The following FRMPD1 variants were observed in gnomAD, a reference collection of about 807,000 sequenced individuals.
FRMPD1 encodes the protein FERM and PDZ domain-containing protein 1.
In FRMPD1, 76 loss-of-function variants were observed where a neutral mutation model predicts 117.8. That is an observed-to-expected ratio of 0.65 (90% CI 0.54 to 0.78). The LOEUF (loss-of-function observed/expected upper bound fraction) is 0.78, where lower values mean the gene tolerates loss of function less well. FRMPD1 is among the 30% of genes least tolerant of loss of function. The probability of loss-of-function intolerance (pLI) is 0.00; values close to 1 mark genes in which losing one functional copy is unlikely to be tolerated. For synonymous variants in FRMPD1, 783 were observed against 770.4 expected, an observed-to-expected ratio of 1.02 and a Z score of -0.27; for missense variants, 1,786 against 1,964.5, an observed-to-expected ratio of 0.91 and a Z score of 1.72.
intron 15 of FRMPD1, among the ~76,000 whole-genome samples, chr9:37,743,556 T>A (rs1824527802): frequency 2.0e-5 from 2 of 101,666 alleles, no homozygotes; most frequent in Non-Finnish European, 4.1e-5. Context: ...TTTTTTTTTT[T>A]TTTAATGTCT....
the FRMPD1 span, among the ~76,000 whole-genome samples, chr9:37,621,534 A>G: frequency 1.3e-5 from 2 of 152,084 alleles, no homozygotes; most frequent in Admixed American, 1.3e-4. Flanking sequence ...CAGCAGGACC[A>G]CTCAGAGCTT....
the FRMPD1 span, among the ~76,000 whole-genome samples, chr9:37,604,603 A>G: frequency 6.6e-6 from 1 of 152,206 alleles, no homozygotes; most frequent in Non-Finnish European, 1.5e-5. Flanking sequence ...TTAGAAAAAT[A>G]GTTATGTAAT....
rs763521772 is a variant in FRMPD1, at chr9:37,744,808, G to A, written c.2776G>A (p.Glu926Lys). ...CTCCAGGGTCATGGAGATGGAGCCC[G>A]AGACCATGGAAACCAAATCAGTCAT... ...PASRVMEMEP[E>K]TMETKSVIDS... The change falls in exon 16 of 16, where the codon GAG becomes AAG. Residue 926 changes from glutamate to lysine, a missense_variant. Coordinates refer to ENST00000377765, the MANE Select transcript of FRMPD1 (RefSeq NM_014907.3). 2.4e-5 allele frequency: 39 copies of A among 1,614,044 alleles called. No homozygotes were observed. The highest frequency in any genetic ancestry group is 4.0e-5 in the African/African-American group (3 of 74,924).
intron 1 of FRMPD1, among the ~76,000 whole-genome samples, chr9:37,662,374 A>G (rs1219689267): frequency 6.6e-6 from 1 of 152,224 alleles, no homozygotes; most frequent in Non-Finnish European, 1.5e-5. Flanking sequence ...TGGGGGGTAC[A>G]TTCAAACCAT....
intron 5 of FRMPD1, among the ~76,000 whole-genome samples, chr9:37,718,402 T>G (rs1053273307): frequency 6.6e-6 from 1 of 152,260 alleles, no homozygotes; most frequent in Non-Finnish European, 1.5e-5. Context: ...GGTCACAGCC[T>G]GTTGGTCTAG....
intron 1 of FRMPD1, 96 bp from the exon 2 acceptor site, chr9:37,692,542 T>TA: frequency 2.4e-6 from 2 of 829,096 alleles, no homozygotes; most frequent in Non-Finnish European, 4.2e-6. Context: ...TAGCATGTCT[T>TA]ATAATGGGCA....
At chr9:37,706,803 T>C (rs534043063) in intron 2 of FRMPD1, among the ~76,000 whole-genome samples, 3 of 152,276 alleles carry the variant, frequency 2.0e-5, no homozygotes, top group Admixed American at 6.5e-5. Context: ...GCTATAAAAT[T>C]ATCCGTCATC....
chr9:37,629,440 G>T, the FRMPD1 span, among the ~76,000 whole-genome samples: 10 of 152,262 alleles, frequency 6.6e-5, no homozygotes, highest in African/African-American at 2.4e-4. Context: ...GTGGAGTGGG[G>T]GCTGCTCTAT....
intron 1 of FRMPD1, chr9:37,670,010 A>C (rs2119415473): frequency 6.6e-6 from 1 of 152,218 alleles, no homozygotes; most frequent in Admixed American, 6.5e-5. Flanking sequence ...AAAAAAAGAA[A>C]AGAAAAAAGA....
chr9:37,737,823 T>TAAA (rs35965958), intron 14 of FRMPD1, among the ~76,000 whole-genome samples: 5 of 106,290 alleles, frequency 4.7e-5, no homozygotes, highest in South Asian at 3.1e-4. Context: ...AACTCCATCT[T>TAAA]AAAAAAAAAA....
At position 37,746,400 on chromosome 9, in the gene FRMPD1, C is replaced by T. The variant is rs895661293; in HGVS notation, c.4368C>T (p.Thr1456=). The change falls in exon 16 of 16, where the codon ACC becomes ACT. Residue 1456 remains threonine, a synonymous_variant. Coordinates refer to ENST00000377765, the MANE Select transcript of FRMPD1 (RefSeq NM_014907.3). ...CAGAGAAGTGCACCTGGCACTTTAC[C>T]GAAAGCCGGAGCCGCCTCTGCATGG... ...HPPEKCTWHF[T]ESRSRLCMGS... The T allele has an allele frequency of 7.4e-6, 12 of 1,612,834 alleles. No homozygotes were observed. In the Admixed American group the frequency reaches 8.3e-5, roughly 11 times the overall value.
intron 15 of FRMPD1, 22 bp from the exon 16 acceptor site, chr9:37,744,367 T>G: frequency 6.5e-7 from 1 of 1,537,440 alleles, no homozygotes; most frequent in Non-Finnish European, 8.8e-7. Flanking sequence ...TTTTAATGTA[T>G]TTTTTCTTTC....
At chr9:37,734,288 T>C (rs569111356) in intron 12 of FRMPD1, among the ~76,000 whole-genome samples, 9 of 152,120 alleles carry the variant, frequency 5.9e-5, no homozygotes, top group African/African-American at 2.2e-4. Context: ...CTCTGGAGCT[T>C]TGGGTATATG....
intron 6 of FRMPD1, among the ~76,000 whole-genome samples, chr9:37,721,312 T>C (rs1416312573): frequency 1.3e-5 from 2 of 152,212 alleles, no homozygotes; most frequent in Admixed American, 6.5e-5. Context: ...TCAAAGATGA[T>C]AAAATTGGCT....
rs1345811582 is a variant in FRMPD1 at position 37,733,817 on chromosome 9, A to G, written c.1210A>G (p.Thr404Ala). 9 of 1,521,078 alleles carry G rather than the reference A, an allele frequency of 5.9e-6. No individual in the cohort carries two copies. The highest frequency in any genetic ancestry group is 8.2e-6 in the Non-Finnish European group (9 of 1,095,648). The allele number at this position is 1,521,078 out of a possible 1,614,324, so 94.2% of individuals were successfully genotyped here. ...ATATGGTGGAAGAATCTTTAATGCTACTTTAATGGTATGTATTAGAGAACT... is the reference window on the plus strand; with the variant it reads ...ATATGGTGGAAGAATCTTTAATGCTGCTTTAATGGTATGTATTAGAGAACT... ...KTYGGRIFNATLMLQDRESYI... is the reference protein window; with the variant it reads ...KTYGGRIFNAALMLQDRESYI... Residue 404 changes from threonine to alanine, a missense_variant, in exon 12 of 16, where the codon ACT (threonine) becomes GCT (alanine). Coordinates refer to ENST00000377765, the MANE Select transcript of FRMPD1 (RefSeq NM_014907.3).
chr9:37,690,551 C>A (rs143140889), intron 1 of FRMPD1, among the ~76,000 whole-genome samples: 1 of 152,110 alleles, frequency 6.6e-6, no homozygotes, highest in Admixed American at 6.6e-5. Context: ...TATGATGGGT[C>A]TGGCTCATTG....
chr9:37,673,243 A>G (rs1286368076), intron 1 of FRMPD1, among the ~76,000 whole-genome samples: 1 of 152,190 alleles, frequency 6.6e-6, no homozygotes, highest in East Asian at 1.9e-4. Flanking sequence ...GCCAAAACAA[A>G]GGTGTTACAG....
intron 15 of FRMPD1, 136 bp downstream of exon 15, chr9:37,741,020 T>C (rs1202954698): frequency 1.4e-6 from 1 of 690,444 alleles, no homozygotes; most frequent in Non-Finnish European, 2.5e-6. Context: ...AGGAGGTAGA[T>C]ACAGATTCCA....
chr9:37,634,522 A>G, the FRMPD1 span, among the ~76,000 whole-genome samples: 1 of 152,148 alleles, frequency 6.6e-6, no homozygotes, highest in Non-Finnish European at 1.5e-5. Context: ...CTTCCTTCTC[A>G]TAATCCTTGT....
Sources: gnomAD v4.1 joint callset for allele counts (sites outside exome capture counted in the v4.1 genomes callset) on GRCh38, gnomAD v4.1.1 for gene constraint, MANE v1.5 for transcripts, NCBI Gene and HGNC (gene_info 2026-07-23, HGNC 2026-07-21) for gene names.